The following PROM2 variants were observed in gnomAD, a reference collection of about 807,000 sequenced individuals.
PROM2 encodes the protein prominin 2, also known as prominin-2.
In PROM2, 90 loss-of-function variants were observed where a neutral mutation model predicts 110.2. The observed-to-expected ratio is 0.82, with a 90% CI of 0.69 to 0.97. The LOEUF is 0.97. Ranked by LOEUF, PROM2 falls within the 50% of genes least tolerant of loss-of-function variation. The pLI, the probability that PROM2 is intolerant of heterozygous loss-of-function variation, is 0.00. For missense variants in PROM2, 1,009 were observed against 1,074.8 expected (o/e 0.94, Z 0.86); for synonymous variants, 470 against 467.8 (o/e 1.00, Z -0.06).
At position 95,279,998 on chromosome 2, in the gene PROM2, G is replaced by GT. The variant is rs1676957922; in HGVS notation, c.1427+2dup. On this transcript the variant is annotated splice_donor_variant, in intron 11 of 23. Transcript: ENST00000317620. LOFTEE classifies it high-confidence loss of function. ...AGGCTGGAGCCCGCTTCCTCATGGC[G>GT]TAAGAAAGGGCTGGGAGAGGGGAAG... is the stretch of plus-strand genomic sequence containing the variant. 12 of 1,445,070 alleles carry GT rather than the reference G, an allele frequency of 8.3e-6. No individual in the cohort carries two copies. In the East Asian group the frequency reaches 3.1e-4, roughly 38 times the overall value. 89.5% of individuals were successfully genotyped at this position (1,445,070 alleles called of 1,614,324 possible). A position where few individuals can be genotyped will look rare whatever the true frequency, so the allele number is the denominator to read the frequency against.
rs887119909 is a variant in PROM2 at position 95,290,692 on chromosome 2, C to G, written c.*1479C>G. ...GATGGAAGCTGCCTATTATTATTGT[C>G]GTTGTTGTTGTTTGCCATGACTGCT... On this transcript the variant is annotated 3_prime_UTR_variant, in exon 24 of 24. Coordinates refer to ENST00000317620, the MANE Select transcript of PROM2 (RefSeq NM_001165978.3). 1.3e-5 allele frequency: 2 copies of G among 152,206 alleles called. No individual in the cohort carries two copies. Among genetic ancestry groups the G allele is most frequent in the African/African-American group, 4.8e-5 (2 of 41,424 alleles). The allele number at this position is 152,206 out of a possible 1,614,324, so 9.4% of individuals were successfully genotyped here. A position where few individuals can be genotyped will look rare whatever the true frequency, so the allele number is the denominator to read the frequency against.
intron 15 of PROM2, 33 bp from the exon 16 acceptor site, chr2:95,285,606 T>G (rs747130538): frequency 3.7e-5 from 57 of 1,555,314 alleles, no homozygotes; most frequent in Non-Finnish European, 4.5e-5. Flanking sequence ...GGAGCTGGGT[T>G]CATCCCTCCT....
At position 95,275,478 on chromosome 2, in the gene PROM2, C is replaced by G; in HGVS notation, c.262C>G (p.Leu88Val). ...TCCCATAGAGTTGGTAAAGGCCCTA[C>G]TGAATGAGCTGGCCTCCGTGAAGGT... The part of the protein sequence containing the change: ...PFPSELVKAL[L>V]NELASVKVNE... Residue 88 changes from leucine to valine, a missense_variant, in exon 2 of 24, where the codon CTG (leucine) becomes GTG (valine). Leu to Val is a conservative substitution (Grantham distance 32). Transcript: ENST00000317620. The surrounding 1 kb of genome is among the most constrained non-coding windows in gnomAD (Gnocchi z 4.4). 1 of 1,613,790 alleles carries G rather than the reference C, an allele frequency of 6.2e-7. No individual in the cohort carries two copies.
At chr2:95,278,825 T>G in intron 9 of PROM2, 41 bp downstream of exon 9, 1 of 1,613,052 alleles carries the variant, frequency 6.2e-7, no homozygotes, top group Non-Finnish European at 8.5e-7. Context: ...AGGCATGGCT[T>G]CCCACCCCAC....
Position 95,274,581 on chromosome 2 carries a change from A to AC in PROM2, c.-1dup, listed in dbSNP as rs1558738864. The AC allele has an allele frequency of 6.4e-7, 1 of 1,571,574 alleles. No homozygotes were observed. The highest frequency in any genetic ancestry group is 8.6e-7 in the Non-Finnish European group (1 of 1,156,628). ...TGAGCCTGAGCCCCTTACCTTCCTG[A>AC]CCCCATGAAGCACACACTGGCTCTG... is the stretch of plus-strand genomic sequence containing the variant. On this transcript the variant is annotated 5_prime_UTR_variant, in exon 1 of 24. Transcript: ENST00000317620.
At chr2:95,280,835 G>T (rs1677000345) in intron 11 of PROM2, among the ~76,000 whole-genome samples, 1 of 152,108 alleles carries the variant, frequency 6.6e-6, no homozygotes, top group Non-Finnish European at 1.5e-5. Context: ...GTAGAGACAT[G>T]GTCTCACTTA....
At chr2:95,274,854 G>T in intron 1 of PROM2, 25 bp downstream of exon 1, 1 of 1,512,002 alleles carries the variant, frequency 6.6e-7, no homozygotes, top group Non-Finnish European at 8.9e-7. Context: ...CCCCCATGAG[G>T]GCCTCAGCAT....
At chr2:95,277,163 C>T in intron 6 of PROM2, 102 bp downstream of exon 6, 1 of 1,189,182 alleles carries the variant, frequency 8.4e-7, no homozygotes, top group African/African-American at 1.5e-5. Context: ...CACCTCTGCC[C>T]CACCTGTGAC....
At position 95,276,621 on chromosome 2, in the gene PROM2, T is replaced by A; in HGVS notation, c.646T>A (p.Ser216Thr). 6.2e-7 allele frequency: 1 copy of A among 1,613,252 alleles called. No individual in the cohort carries two copies. The highest frequency in any genetic ancestry group is 8.5e-7 in the Non-Finnish European group (1 of 1,179,930). ...GCTGCAGGCCGTGGCACAGCAATTC[T>A]CCCTGCCCCAGGAGCAAGTCTCAGA... The part of the protein sequence containing the change: ...QELQAVAQQF[S>T]LPQEQVSEEL... Residue 216 changes from serine (S) to threonine (T), a missense_variant, in exon 5 of 24, where the codon TCC becomes ACC. Ser to Thr is a moderately conservative substitution (Grantham distance 58). Coordinates refer to ENST00000317620, the MANE Select transcript of PROM2 (RefSeq NM_001165978.3). This position sits in a 1 kb window ranked among gnomAD's most constrained non-coding sequence, Gnocchi z 4.6.
intron 9 of PROM2, 76 bp downstream of exon 9, chr2:95,278,860 G>A: frequency 6.2e-7 from 1 of 1,607,936 alleles, no homozygotes; most frequent in Non-Finnish European, 8.5e-7. Flanking sequence ...CTTGTTGAGA[G>A]AGGACTGGGG....
chr2:95,276,731 C>A lies in PROM2; in HGVS notation c.682+74C>A. On this transcript the variant is annotated intron_variant, in intron 5 of 23. Transcript: ENST00000317620. The surrounding 1 kb of genome is among the most constrained non-coding windows in gnomAD (Gnocchi z 4.6). ...TGCTCGGGTGCCTCGGTGGGGGCCT[C>A]TCACTCCCTCATTCTGGACACCCCC... 6.7e-7 allele frequency: 1 copy of A among 1,494,014 alleles called. No homozygotes were observed. The highest frequency in any genetic ancestry group is 9.3e-7 in the Non-Finnish European group (1 of 1,077,108). The allele number at this position is 1,494,014 out of a possible 1,614,324, so 92.5% of individuals were successfully genotyped here.
intron 8 of PROM2, chr2:95,278,479 A>C: frequency 1.7e-6 from 1 of 596,110 alleles, no homozygotes; most frequent in African/African-American, 1.9e-5. Flanking sequence ...AGGGCGGCTG[A>C]GAGTTCACTG....
At chr2:95,287,013 C>T in intron 18 of PROM2, 120 bp from the exon 19 acceptor site, 2 of 1,265,028 alleles carry the variant, frequency 1.6e-6, no homozygotes, top group Non-Finnish European at 2.3e-6. Context: ...GGGGGATCAC[C>T]ACCCTTGGCT....
Position 95,274,712 on chromosome 2 carries a change from C to T in PROM2, c.127C>T (p.Pro43Ser). 1.2e-6 allele frequency: 2 copies of T among 1,612,696 alleles called. No individual in the cohort carries two copies. Among genetic ancestry groups the T allele is most frequent in the East Asian group, 2.2e-5 (1 of 44,862 alleles). Residue 43 changes from proline to serine, a missense_variant, in exon 1 of 24, where the codon CCA (proline) becomes TCA (serine). Physicochemically the swap from Pro to Ser is moderately conservative, Grantham distance 74 (BLOSUM62 -1). Transcript: ENST00000317620. ...CCCGGCAGAGCACCTGACATTCACC[C>T]CAGCAGCCAGGGCCCGGTGGCTGGC... ...LGPAEHLTFT[P>S]AARARWLAPR... is the part of the protein sequence containing the mutation.
Position 95,279,147 on chromosome 2 carries a change from G to T in PROM2, c.1274+3G>T, listed in dbSNP as rs774447272. ...GTGCAGAGATACGAGACCTACAGGT[G>T]CTGGGCACCGCAGGGTGGGATGGGG... On this transcript the variant is annotated splice_donor_region_variant and intron_variant, in intron 10 of 23. Transcript: ENST00000317620. The T allele has an allele frequency of 7.3e-7, 1 of 1,364,646 alleles. No homozygotes were observed. The highest frequency in any genetic ancestry group is 1.4e-5 in the South Asian group (1 of 71,452). 84.5% of individuals were successfully genotyped at this position (1,364,646 alleles called of 1,614,324 possible).
chr2:95,278,520 A>T (rs987956476), intron 8 of PROM2: 15 of 636,558 alleles, frequency 2.4e-5, no homozygotes, highest in Non-Finnish European at 3.7e-5. Flanking sequence ...GGGTAGGAAG[A>T]AGAGGTCCGG....
Position 95,278,004 on chromosome 2 carries a change from G to T in PROM2, c.1050G>T (p.Glu350Asp). Residue 350 changes from glutamate to aspartate, a missense_variant and splice_region_variant, in exon 8 of 24, where the codon GAG (glutamate) becomes GAT (aspartate). Transcript: ENST00000317620. ...PEANFSSMVQ[E>D]ENSTFNALPA... Reference sequence around the variant, plus strand: ...CCAACTTCTCCAGCATGGTCCAGGAGGTGAGAGCCACCTGGTCTGCCTGAT... The same window carrying T: ...CCAACTTCTCCAGCATGGTCCAGGATGTGAGAGCCACCTGGTCTGCCTGAT... The T allele has an allele frequency of 1.9e-6, 3 of 1,609,120 alleles. No homozygotes were observed. The highest frequency in any genetic ancestry group is 2.2e-5 in the South Asian group (2 of 89,560).
Position 95,288,275 on chromosome 2 carries a change from T to C in PROM2, c.2309T>C (p.Leu770Pro). 1.9e-6 allele frequency: 3 copies of C among 1,614,122 alleles called. No homozygotes were observed. The highest frequency in any genetic ancestry group is 2.5e-6 in the Non-Finnish European group (3 of 1,180,024). Residue 770 changes from leucine to proline, a missense_variant, in exon 21 of 24, where the codon CTG becomes CCG. Physicochemically the swap from Leu to Pro is moderately conservative, Grantham distance 98. Transcript: ENST00000317620. The stretch of plus-strand genomic sequence containing the variant: ...GCCCTGGACAACAGCCGTGTGATCC[T>C]GTGTGACATGATGGCTGACCCCTGG... ...SGALDNSRVILCDMMADPWNA... is the reference protein window; with the variant it reads ...SGALDNSRVIPCDMMADPWNA...
At chr2:95,277,213 T>C (rs1195550834) in intron 6 of PROM2, 151 bp from the exon 7 acceptor site, 22 of 1,113,614 alleles carry the variant, frequency 2.0e-5, no homozygotes, top group Non-Finnish European at 2.8e-5. Context: ...CCCCCTCCCC[T>C]GGCTTAATGT....
Sources: gnomAD v4.1 joint callset for allele counts (sites outside exome capture counted in the v4.1 genomes callset) on GRCh38, gnomAD v4.1.1 for gene constraint, Gnocchi (gnomAD v3.1) non-coding constraint, MANE v1.5 for transcripts, NCBI Gene and HGNC (gene_info 2026-07-23, HGNC 2026-07-21) for gene names.